Variants in FANK1 observed in about 807,000 individuals in gnomAD.
FANK1 encodes fibronectin type III and ankyrin repeat domains 1, also known as fibronectin type 3 and ankyrin repeat domains protein 1.
A neutral mutation model predicts 45.3 loss-of-function variants in FANK1; 44 were observed. The observed-to-expected ratio is 0.97, with a 90% CI of 0.76 to 1.25. The LOEUF (loss-of-function observed/expected upper bound fraction) is 1.25. Among genes scored for constraint, FANK1 ranks in the 50% most tolerant of loss-of-function variants. The probability of loss-of-function intolerance (pLI) is 0.00; values close to 1 mark genes in which losing one functional copy is unlikely to be tolerated. For synonymous variants in FANK1, 149 were observed against 152.5 expected, an observed-to-expected ratio of 0.98 and a Z score of 0.17; for missense variants, 391 against 424.4, an observed-to-expected ratio of 0.92 and a Z score of 0.69.
intron 1 of FANK1, among the ~76,000 whole-genome samples, chr10:125,951,302 A>G (rs1287609418): frequency 2.0e-5 from 3 of 151,984 alleles, no homozygotes; most frequent in Non-Finnish European, 2.9e-5. Flanking sequence ...CCAAGATCTT[A>G]TAACTATTTG....
chr10:125,923,857 T>G (rs1341785595), intron 1 of FANK1, among the ~76,000 whole-genome samples: 2 of 152,208 alleles, frequency 1.3e-5, no homozygotes, highest in Non-Finnish European at 2.9e-5. Context: ...TCAGAGTCTT[T>G]CTATCTGTAG....
intron 1 of FANK1, chr10:125,960,555 CT>C (rs1949857630): frequency 1.3e-5 from 2 of 156,682 alleles, no homozygotes; most frequent in Admixed American, 1.3e-4. Flanking sequence ...GAGATGGAAT[CT>C]CGCTCTGTTG....
chr10:125,908,838 TAA>T (rs1316879337), intron 1 of FANK1, among the ~76,000 whole-genome samples: 1 of 152,300 alleles, frequency 6.6e-6, no homozygotes, highest in African/African-American at 2.4e-5. Flanking sequence ...AGAAACTGTA[TAA>T]GAGAAAATAT....
intron 1 of FANK1, among the ~76,000 whole-genome samples, chr10:125,906,238 A>G (rs1241368425): frequency 6.6e-6 from 1 of 152,092 alleles, no homozygotes; most frequent in Non-Finnish European, 1.5e-5. Context: ...AGGAGCAGCT[A>G]GGCACAGTGG....
intron 3 of FANK1, 124 bp downstream of exon 3, chr10:125,988,799 A>C (rs1289020114): frequency 6.9e-7 from 1 of 1,452,446 alleles, no homozygotes; most frequent in Non-Finnish European, 9.6e-7. Flanking sequence ...ATTTTTAAAC[A>C]CTGCAATAAT....
intron 1 of FANK1, among the ~76,000 whole-genome samples, chr10:125,927,799 G>C (rs1230716287): frequency 6.6e-6 from 1 of 152,142 alleles, no homozygotes; most frequent in African/African-American, 2.4e-5. Context: ...GCCTGCCTCA[G>C]CCTCCCAAAG....
At chr10:125,914,166 A>AT (rs981617119) in intron 1 of FANK1, among the ~76,000 whole-genome samples, 6 of 151,716 alleles carry the variant, frequency 4.0e-5, no homozygotes, top group Non-Finnish European at 5.9e-5. Flanking sequence ...TGGACATTAG[A>AT]TTTTTTAAAC....
chr10:125,911,940 G>A (rs1338728013), intron 1 of FANK1, among the ~76,000 whole-genome samples: 2 of 152,172 alleles, frequency 1.3e-5, no homozygotes, highest in Non-Finnish European at 2.9e-5. Context: ...ATCTGTGCAT[G>A]ATAGTTAGAG....
At chr10:125,906,778 A>G (rs1389472975) in intron 1 of FANK1, among the ~76,000 whole-genome samples, 1 of 152,160 alleles carries the variant, frequency 6.6e-6, no homozygotes, top group Non-Finnish European at 1.5e-5. Flanking sequence ...TTTCAGTTAC[A>G]TGTAGACTGA....
At position 125,997,462 on chromosome 10, in the gene FANK1, G is replaced by A. The variant is rs758758335; in HGVS notation, c.516G>A (p.Leu172=). ...TTTCTAATGGCACAGACGTGAATCT[G>A]AAGAATGGAAGTGGCAAGGACAGGT... is the stretch of plus-strand genomic sequence containing the variant. ...ILVSNGTDVN[L]KNGSGKDSLM... Residue 172 remains leucine, a synonymous_variant, in exon 6 of 11, where the codon CTG becomes CTA. Coordinates refer to ENST00000368693, the MANE Select transcript of FANK1 (RefSeq NM_145235.5). 22 of 1,613,902 alleles carry A rather than the reference G, an allele frequency of 1.4e-5. No homozygotes were observed. Among genetic ancestry groups the A allele is most frequent in the Non-Finnish European group, 1.6e-5 (19 of 1,179,956 alleles).
chr10:125,911,448 A>G (rs79103546), intron 1 of FANK1, among the ~76,000 whole-genome samples: 8 of 152,236 alleles, frequency 5.3e-5, no homozygotes, highest in Admixed American at 2.0e-4. Context: ...TGTGGTAACT[A>G]ATTATAGCAG....
Position 125,945,470 on chromosome 10 carries a change from G to A in FANK1, c.14-34691G>A, listed in dbSNP as rs868183272. Among the ~76,000 whole-genome samples the A allele has an allele frequency of 5.8e-4, 89 of 152,310 alleles. No individual in the cohort carries two copies. In the Middle Eastern group the frequency reaches 0.014, roughly 23 times the overall value. ...CAAGGGGTCAGGGAGTTCCCTTTCC[G>A]AGTCAAAGAAAGGGGTGACAGACGC... On this transcript the variant is annotated intron_variant, in intron 1 of 10. Transcript: ENST00000368693.
At chr10:125,902,666 A>G (rs1416100997) in intron 1 of FANK1, among the ~76,000 whole-genome samples, 2 of 152,172 alleles carry the variant, frequency 1.3e-5, no homozygotes, top group Admixed American at 1.3e-4. Context: ...GTCTCATTCT[A>G]TCCGGTAAGA....
chr10:125,903,974 C>T (rs12773381), intron 1 of FANK1, among the ~76,000 whole-genome samples: 45,492 of 151,896 alleles, frequency 0.3, 7,143 homozygotes, highest in East Asian at 0.45. Flanking sequence ...CTCAGCCTCC[C>T]GCGTAGCTGG....
intron 7 of FANK1, among the ~76,000 whole-genome samples, chr10:126,006,471 C>A (rs899582260): frequency 6.6e-6 from 1 of 152,192 alleles, no homozygotes; most frequent in Non-Finnish European, 1.5e-5. Context: ...GTGACAGCCA[C>A]ACACTCCTTG....
chr10:125,950,885 C>A (rs1949165753), intron 1 of FANK1, among the ~76,000 whole-genome samples: 4 of 150,158 alleles, frequency 2.7e-5, no homozygotes, highest in Admixed American at 2.7e-4. Context: ...AAATGTGGCA[C>A]ATATACACCA....
intron 1 of FANK1, among the ~76,000 whole-genome samples, chr10:125,957,203 C>T (rs1395282393): frequency 1.3e-5 from 2 of 152,140 alleles, no homozygotes; most frequent in Admixed American, 1.3e-4. Context: ...AATAATACCC[C>T]ACTGCTTGAT....
intron 1 of FANK1, among the ~76,000 whole-genome samples, chr10:125,969,320 G>A (rs1950351956): frequency 6.6e-6 from 1 of 150,660 alleles, no homozygotes; most frequent in African/African-American, 2.4e-5. Flanking sequence ...GAAATTAGTT[G>A]GTTAAATTTG....
At chr10:126,006,762 A>G (rs1386491027) in intron 7 of FANK1, among the ~76,000 whole-genome samples, 1 of 152,220 alleles carries the variant, frequency 6.6e-6, no homozygotes, top group Admixed American at 6.5e-5. Flanking sequence ...AGGGAGGCTG[A>G]AGCAGGAGAA....
Sources: allele counts gnomAD v4.1 joint callset (sites outside exome capture counted in the v4.1 genomes callset), GRCh38; gene constraint gnomAD v4.1.1; transcripts MANE v1.5; gene names NCBI Gene and HGNC (gene_info 2026-07-23, HGNC 2026-07-21).